ADORA2B: variants seen among roughly 807,000 people sequenced by gnomAD.
ADORA2B encodes adenosine receptor A2b.
Under a neutral mutation model 20.8 loss-of-function variants are expected in ADORA2B, and 18 were observed. That is an observed-to-expected ratio of 0.87 (90% CI 0.60 to 1.29). ADORA2B has a LOEUF of 1.29. Among genes scored for constraint, ADORA2B ranks in the 50% most tolerant of loss-of-function variants. The pLI is 0.00. For missense variants in ADORA2B, 441 were observed against 422.7 expected (o/e 1.04, Z -0.38); for synonymous variants, 179 against 178.3 (o/e 1.00, Z -0.03).
chr17:15,856,797 A>C, the ADORA2B span, among the ~76,000 whole-genome samples: 1 of 152,198 alleles, frequency 6.6e-6, no homozygotes, highest in African/African-American at 2.4e-5. Flanking sequence ...CTGAAATTGG[A>C]ACTTATGTTT....
At chr17:15,957,541 C>G (rs536031149) in intron 1 of ADORA2B, among the ~76,000 whole-genome samples, 79 of 152,264 alleles carry the variant, frequency 5.2e-4, no homozygotes, top group African/African-American at 1.9e-3. Flanking sequence ...AGGATGACTC[C>G]CAGATTTCCG....
upstream of ADORA2B, among the ~76,000 whole-genome samples, chr17:15,941,715 G>A (rs1393907312): frequency 2.1e-5 from 3 of 145,202 alleles, no homozygotes; most frequent in Non-Finnish European, 4.5e-5. Flanking sequence ...GTGACAGAGT[G>A]AGACTCTTGT....
the ADORA2B span, among the ~76,000 whole-genome samples, chr17:15,904,028 C>T: frequency 6.6e-6 from 1 of 151,988 alleles, no homozygotes; most frequent in East Asian, 1.9e-4. Flanking sequence ...ATTCTGGATA[C>T]AAGTCATTTA....
chr17:15,959,522 A>G (rs1446329439), intron 1 of ADORA2B, among the ~76,000 whole-genome samples: 1 of 127,146 alleles, frequency 7.9e-6, no homozygotes, highest in Non-Finnish European at 1.6e-5. Context: ...TTTTTTTGAG[A>G]CAGAGTCTTG....
chr17:15,873,372 C>G, the ADORA2B span, among the ~76,000 whole-genome samples: 2 of 151,966 alleles, frequency 1.3e-5, no homozygotes, highest in Non-Finnish European at 2.9e-5. Flanking sequence ...GCAAATGCAA[C>G]AAAAACAAAA....
intron 1 of ADORA2B, among the ~76,000 whole-genome samples, chr17:15,959,656 A>G (rs1301157990): frequency 6.6e-6 from 1 of 152,052 alleles, no homozygotes; most frequent in Non-Finnish European, 1.5e-5. Flanking sequence ...GCACGCCACC[A>G]TGCCTGGCTA....
chr17:15,901,557 T>C, the ADORA2B span, among the ~76,000 whole-genome samples: 1 of 152,206 alleles, frequency 6.6e-6, no homozygotes, highest in Non-Finnish European at 1.5e-5. Flanking sequence ...TTACCCATTC[T>C]AGGCATTTTC....
chr17:15,895,221 A>G, the ADORA2B span, among the ~76,000 whole-genome samples: 2 of 152,174 alleles, frequency 1.3e-5, no homozygotes, highest in African/African-American at 4.8e-5. Context: ...ATTTTAAAAA[A>G]CACCTTCACG....
the ADORA2B span, among the ~76,000 whole-genome samples, chr17:15,859,625 C>A: frequency 6.6e-6 from 1 of 152,046 alleles, no homozygotes; most frequent in African/African-American, 2.4e-5. Flanking sequence ...AAGGTTTATC[C>A]TGTTCTGTAT....
the ADORA2B span, among the ~76,000 whole-genome samples, chr17:15,917,295 C>T: frequency 6.6e-6 from 1 of 152,232 alleles, no homozygotes; most frequent in African/African-American, 2.4e-5. Flanking sequence ...CAGAGCCAGA[C>T]CGTGCCTGCC....
At chr17:15,932,379 G>C in the ADORA2B span, among the ~76,000 whole-genome samples, 3 of 151,872 alleles carry the variant, frequency 2.0e-5, no homozygotes, top group Non-Finnish European at 4.4e-5. Flanking sequence ...TATATTCCCA[G>C]CTACTGGGGA....
chr17:15,904,351 A>AT, the ADORA2B span, among the ~76,000 whole-genome samples: 2 of 139,334 alleles, frequency 1.4e-5, no homozygotes, highest in Admixed American at 1.4e-4. Context: ...GATCACACAG[A>AT]TTTTCACCTG....
the ADORA2B span, among the ~76,000 whole-genome samples, chr17:15,920,991 A>G: frequency 6.6e-5 from 10 of 152,234 alleles, no homozygotes; most frequent in Non-Finnish European, 1.0e-4. Context: ...AATTGTTTGT[A>G]TATGGCAATG....
At chr17:15,938,649 G>A in the ADORA2B span, among the ~76,000 whole-genome samples, 1 of 152,148 alleles carries the variant, frequency 6.6e-6, no homozygotes, top group African/African-American at 2.4e-5. Context: ...CAATATTGGC[G>A]TTTTGGTGGG....
intron 1 of ADORA2B, among the ~76,000 whole-genome samples, chr17:15,955,565 T>A (rs535544102): frequency 6.6e-6 from 1 of 151,672 alleles, no homozygotes; most frequent in East Asian, 1.9e-4. Context: ...TACCACCAAG[T>A]CCGGCTGTAT....
At chr17:15,923,499 G>T in the ADORA2B span, among the ~76,000 whole-genome samples, 12 of 151,544 alleles carry the variant, frequency 7.9e-5, no homozygotes, top group African/African-American at 2.7e-4. Flanking sequence ...CCGCCTGCTG[G>T]GTTCACACTA....
chr17:15,900,493 G>A, the ADORA2B span, among the ~76,000 whole-genome samples: 1 of 151,774 alleles, frequency 6.6e-6, no homozygotes, highest in Non-Finnish European at 1.5e-5. Flanking sequence ...TGTCGCCCAG[G>A]CTGAAGCACA....
the ADORA2B span, among the ~76,000 whole-genome samples, chr17:15,888,815 CAT>C: frequency 0.072 from 1,126 of 15,714 alleles, 121 homozygotes; most frequent in Non-Finnish European, 0.084. Context: ...TATGTGATGC[CAT>C]ATATATATAT....
intron 1 of ADORA2B, among the ~76,000 whole-genome samples, chr17:15,970,914 G>T (rs1970182660): frequency 6.6e-6 from 1 of 152,178 alleles, no homozygotes; most frequent in African/African-American, 2.4e-5. Flanking sequence ...AGCAGAAAAG[G>T]ATGGTCATGG....
Sources: gnomAD v4.1 joint callset for allele counts (sites outside exome capture counted in the v4.1 genomes callset) on GRCh38, gnomAD v4.1.1 for gene constraint, MANE v1.5 for transcripts, NCBI Gene and HGNC (gene_info 2026-07-23, HGNC 2026-07-21) for gene names.